Variants in EGF observed in about 807,000 individuals in gnomAD.
The protein encoded by EGF is pro-epidermal growth factor.
Under a neutral mutation model 143.8 loss-of-function variants are expected in EGF, and 95 were observed. The ratio of observed to expected loss-of-function variants is 0.66; its 90% CI spans 0.56 to 0.78. EGF has a LOEUF of 0.78. Ranked by LOEUF, EGF falls within the 30% of genes least tolerant of loss-of-function variation. EGF has a pLI of 0.00. For missense variants in EGF, 1,320 were observed against 1,470.9 expected (o/e 0.90, Z 1.68); for synonymous variants, 510 against 510.5 (o/e 1.00, Z 0.01).
At chr4:109,970,076 C>A (rs368039469) in intron 11 of EGF, among the ~76,000 whole-genome samples, 1 of 152,006 alleles carries the variant, frequency 6.6e-6, no homozygotes, top group Admixed American at 6.6e-5. Flanking sequence ...TGTTTCCCTA[C>A]GGTGGGAAAA....
chr4:109,927,039 T>C (rs1738803391), intron 1 of EGF, among the ~76,000 whole-genome samples: 1 of 152,238 alleles, frequency 6.6e-6, no homozygotes, highest in Non-Finnish European at 1.5e-5. Context: ...TCTTTTTAAA[T>C]CCACTTGTTA....
intron 22 of EGF, among the ~76,000 whole-genome samples, chr4:110,007,896 GA>G (rs1449571649): frequency 1.3e-5 from 2 of 152,144 alleles, no homozygotes; most frequent in Non-Finnish European, 2.9e-5. Flanking sequence ...CCTAAAAGCT[GA>G]GATTCCATAA....
chr4:109,931,003 C>T (rs1174607554), intron 1 of EGF, among the ~76,000 whole-genome samples: 2 of 152,158 alleles, frequency 1.3e-5, no homozygotes, highest in African/African-American at 2.4e-5. Context: ...GTATGTACTT[C>T]CCCCCTTACT....
At chr4:110,007,756 G>C in intron 22 of EGF, among the ~76,000 whole-genome samples, 1 of 152,060 alleles carries the variant, frequency 6.6e-6, no homozygotes, top group East Asian at 1.9e-4. Context: ...GTGTGTGTGC[G>C]TGTGTGTGTA....
chr4:109,964,289 C>A, intron 9 of EGF, 112 bp from the exon 10 acceptor site: 1 of 1,468,782 alleles, frequency 6.8e-7, no homozygotes, highest in Non-Finnish European at 9.5e-7. Flanking sequence ...ATTAAGAAAA[C>A]AAGTACTGTA....
intron 16 of EGF, among the ~76,000 whole-genome samples, chr4:109,986,543 T>A (rs1453690359): frequency 6.6e-6 from 1 of 152,186 alleles, no homozygotes; most frequent in East Asian, 1.9e-4. Context: ...GCCACCTGAA[T>A]CCTACTTAGA....
At chr4:109,962,398 C>T (rs186702122) in intron 8 of EGF, among the ~76,000 whole-genome samples, 1 of 152,318 alleles carries the variant, frequency 6.6e-6, no homozygotes, top group East Asian at 1.9e-4. Flanking sequence ...CACCTCTCTA[C>T]TTTTATCTTC....
chr4:109,958,778 TGTG>T (rs1458609748), intron 5 of EGF, among the ~76,000 whole-genome samples: 1 of 151,588 alleles, frequency 6.6e-6, no homozygotes, highest in Non-Finnish European at 1.5e-5. Context: ...ATTAGCCAGG[TGTG>T]GTGGTGTGCA....
rs1735967815 is a variant in EGF, at chr4:109,912,895, C to G, written c.-441C>G. On this transcript the variant is annotated 5_prime_UTR_variant, in exon 1 of 24. Transcript: ENST00000265171. ...TCATTCCACTTTTCAAAAAGAGAAA[C>G]TGTTGGGAGAGGAATCGTATCTCCA... The G allele has an allele frequency of 5.5e-6, 1 of 180,588 alleles. No homozygotes were observed. Among genetic ancestry groups the G allele is most frequent in the South Asian group, 1.2e-4 (1 of 8,038 alleles). The allele number at this position is 180,588 out of a possible 1,614,324, so 11.2% of individuals were successfully genotyped here.
intron 1 of EGF, among the ~76,000 whole-genome samples, chr4:109,932,772 C>T (rs1220356992): frequency 6.6e-6 from 1 of 152,102 alleles, no homozygotes; most frequent in Non-Finnish European, 1.5e-5. Context: ...TACATTTATT[C>T]AGCATAGACT....
At chr4:109,916,559 T>C (rs541190702) in intron 1 of EGF, among the ~76,000 whole-genome samples, 2 of 152,120 alleles carry the variant, frequency 1.3e-5, no homozygotes, top group African/African-American at 4.8e-5. Flanking sequence ...ATCACTAATG[T>C]CTGGGTGGCC....
At chr4:109,930,168 C>T (rs1044193181) in intron 1 of EGF, among the ~76,000 whole-genome samples, 1 of 152,200 alleles carries the variant, frequency 6.6e-6, no homozygotes, top group Non-Finnish European at 1.5e-5. Context: ...TCAATTAAAC[C>T]TCTTTCCTTT....
rs10530188 is a variant in EGF, at chr4:109,968,673, C to CATCTATCTATCTATCTATCTATCT, written c.1576-284_1576-261dup. 4.8e-3 allele frequency: 1,672 copies of CATCTATCTATCTATCTATCTATCT among 351,196 alleles called. 6 individuals carry two copies. The highest frequency in any genetic ancestry group is 5.7e-3 in the African/African-American group (252 of 44,300). 21.8% of individuals were successfully genotyped at this position (351,196 alleles called of 1,614,324 possible). ...ATATATGTATATTTATATCTATATA[C>CATCTATCTATCTATCTATCTATCT]ATCTATCTATCTATCTATCTATCTA... On this transcript the variant is annotated intron_variant, in intron 10 of 23. Coordinates refer to ENST00000265171, the MANE Select transcript of EGF (RefSeq NM_001963.6).
rs748816539 is a variant in EGF, at chr4:109,993,338, A to ACCC, written c.2827_2828insCCC (p.Gly942_Arg943insPro). On this transcript the variant is annotated inframe_insertion, in exon 19 of 24. Coordinates refer to ENST00000265171, the MANE Select transcript of EGF (RefSeq NM_001963.6). ...GAGGCTATACCTGCATGTGTGCTGG[A>ACCC]CGCCTGTCTGAACCAGGACTGATTT... 3 of 1,613,616 alleles carry ACCC rather than the reference A, an allele frequency of 1.9e-6. No homozygotes were observed. The East Asian group carries it at 6.7e-5, about 36-fold the overall frequency.
intron 4 of EGF, among the ~76,000 whole-genome samples, chr4:109,944,749 C>T (rs945381126): frequency 1.3e-5 from 2 of 152,186 alleles, no homozygotes; most frequent in African/African-American, 4.8e-5. Flanking sequence ...TGGCAAGAAG[C>T]AGAAATTCGT....
chr4:110,008,071 C>T, intron 22 of EGF, 81 bp from the exon 23 acceptor site: 1 of 1,279,260 alleles, frequency 7.8e-7, no homozygotes, highest in Non-Finnish European at 1.1e-6. Context: ...ATCGTAAAGC[C>T]ATAGACTTTG....
At chr4:109,982,421 GGGT>G (rs1749516106) in intron 15 of EGF, among the ~76,000 whole-genome samples, 1 of 151,968 alleles carries the variant, frequency 6.6e-6, no homozygotes, top group African/African-American at 2.4e-5. Context: ...TCTGCCTCTA[GGGT>G]TCAAGAGATT....
At chr4:109,913,906 A>T (rs1736141024) in intron 1 of EGF, among the ~76,000 whole-genome samples, 1 of 152,216 alleles carries the variant, frequency 6.6e-6, no homozygotes, top group East Asian at 1.9e-4. Flanking sequence ...AAATTAGTGA[A>T]AAATGGAAAG....
intron 19 of EGF, among the ~76,000 whole-genome samples, chr4:109,994,083 G>A (rs1383945040): frequency 6.6e-6 from 1 of 151,302 alleles, no homozygotes; most frequent in African/African-American, 2.4e-5. Context: ...TCTTCTTAAA[G>A]GTACTGAAAA....
Sources: allele counts gnomAD v4.1 joint callset (sites outside exome capture counted in the v4.1 genomes callset), GRCh38; gene constraint gnomAD v4.1.1; transcripts MANE v1.5; gene names NCBI Gene and HGNC (gene_info 2026-07-23, HGNC 2026-07-21).